The following YAF2 variants were observed in gnomAD, a reference collection of about 807,000 sequenced individuals.
The protein encoded by YAF2 is YY1 associated factor 2.
YAF2 carries 7 observed loss-of-function variants against 20.1 expected under a neutral mutation model. That is an observed-to-expected ratio of 0.35 (90% CI 0.20 to 0.65). The LOEUF is 0.65. YAF2 is among the 30% of genes least tolerant of loss of function. The pLI, the probability that YAF2 is intolerant of heterozygous loss-of-function variation, is 0.69. For synonymous variants in YAF2, 74 were observed against 76.0 expected (o/e 0.97, Z 0.14); for missense variants, 151 against 219.2 (o/e 0.69, Z 1.96).
intron 2 of YAF2, among the ~76,000 whole-genome samples, chr12:42,219,486 C>A (rs1486371338): frequency 6.6e-6 from 1 of 152,116 alleles, no homozygotes; most frequent in African/African-American, 2.4e-5. Flanking sequence ...CATGAGAGTT[C>A]ATTAAGCTCA....
chr12:42,175,196 C>T lies in YAF2; in HGVS notation c.153-13431G>A, dbSNP rs574880331. Among the ~76,000 whole-genome samples, 8 of 152,232 alleles carry T rather than the reference C, an allele frequency of 5.3e-5. No individual in the cohort carries two copies. The South Asian group carries it at 8.3e-4, about 16-fold the overall frequency. Reference sequence around the variant, plus strand: ...TACAATGGAATACTACTCAGCAACACAAAGAAATGAACCACTGACACTCAA... The same window carrying T: ...TACAATGGAATACTACTCAGCAACATAAAGAAATGAACCACTGACACTCAA... On this transcript the variant is annotated intron_variant, in intron 2 of 3. Transcript: ENST00000534854.
At chr12:42,173,567 A>G (rs767175920) in intron 2 of YAF2, among the ~76,000 whole-genome samples, 23 of 152,170 alleles carry the variant, frequency 1.5e-4, no homozygotes, top group Non-Finnish European at 2.8e-4. Context: ...CTCTTAGCCA[A>G]CTAAACATTT....
chr12:42,161,467 C>T, intron 3 of YAF2, 146 bp downstream of exon 3: 1 of 853,548 alleles, frequency 1.2e-6, no homozygotes. Flanking sequence ...ATGTATCTTT[C>T]AAACTCAGTA....
At chr12:42,164,977 C>T (rs1491000351) in intron 2 of YAF2, among the ~76,000 whole-genome samples, 1 of 151,592 alleles carries the variant, frequency 6.6e-6, no homozygotes, top group African/African-American at 2.4e-5. Context: ...ATCGCTTGAG[C>T]CCAGGAGGTG....
Position 42,228,360 on chromosome 12 carries a change from C to T in YAF2, c.152+9239G>A, listed in dbSNP as rs1385334331. Among the ~76,000 whole-genome samples, 136 of 69,744 alleles carry T rather than the reference C, an allele frequency of 1.9e-3. 3 individuals carry two copies. In the East Asian group the frequency reaches 0.031, roughly 16 times the overall value. The allele number at this position is 69,744 out of a possible 152,430, so 45.8% of individuals were successfully genotyped here. A position where few individuals can be genotyped will look rare whatever the true frequency, so the allele number is the denominator to read the frequency against. On this transcript the variant is annotated intron_variant, in intron 2 of 3. Transcript: ENST00000534854. ...CCGGGAGGTGAGGGGCGCCTCTGCC[C>T]GGCCGCCCCTACTGGGAAGTGAGGA...
At chr12:42,183,932 A>G (rs185758135) in intron 2 of YAF2, among the ~76,000 whole-genome samples, 23 of 152,354 alleles carry the variant, frequency 1.5e-4, no homozygotes, top group Non-Finnish European at 2.6e-4. Flanking sequence ...GGTGAAGCCA[A>G]TGCTCACTGA....
At chr12:42,171,630 T>C (rs560364554) in intron 2 of YAF2, among the ~76,000 whole-genome samples, 3 of 152,140 alleles carry the variant, frequency 2.0e-5, no homozygotes, top group Non-Finnish European at 4.4e-5. Context: ...GAACTGGGTA[T>C]ATAACTCCTG....
At chr12:42,183,898 G>C (rs1433396378) in intron 2 of YAF2, among the ~76,000 whole-genome samples, 1 of 152,190 alleles carries the variant, frequency 6.6e-6, no homozygotes, top group East Asian at 1.9e-4. Flanking sequence ...CTTGTTAGGG[G>C]CTAATGCAGT....
chr12:42,228,681 C>T (rs1403433117), intron 2 of YAF2, among the ~76,000 whole-genome samples: 6 of 100,674 alleles, frequency 6.0e-5, no homozygotes, highest in East Asian at 3.4e-4. Context: ...CCCCCCTGCC[C>T]GGCCAGCCGC....
chr12:42,178,093 A>G (rs2066244060), intron 2 of YAF2, among the ~76,000 whole-genome samples: 1 of 152,200 alleles, frequency 6.6e-6, no homozygotes, highest in African/African-American at 2.4e-5. Context: ...GCATAAAAAT[A>G]CTTAATGTGC....
intron 2 of YAF2, among the ~76,000 whole-genome samples, chr12:42,220,290 T>A (rs1300437192): frequency 1.3e-5 from 2 of 152,198 alleles, no homozygotes; most frequent in African/African-American, 4.8e-5. Flanking sequence ...ATCTTTAATG[T>A]ATACATAATA....
At chr12:42,216,520 T>C (rs1357707002) in intron 2 of YAF2, among the ~76,000 whole-genome samples, 2 of 152,148 alleles carry the variant, frequency 1.3e-5, no homozygotes, top group South Asian at 2.1e-4. Flanking sequence ...TTCTTCTTTG[T>C]GGGATGCTCT....
intron 2 of YAF2, among the ~76,000 whole-genome samples, chr12:42,194,870 C>T (rs1367050025): frequency 6.6e-6 from 1 of 152,120 alleles, no homozygotes; most frequent in Non-Finnish European, 1.5e-5. Context: ...AGAAGACACA[C>T]AAATGAAGCT....
chr12:42,200,523 T>G (rs747253198), intron 2 of YAF2, among the ~76,000 whole-genome samples: 56 of 152,214 alleles, frequency 3.7e-4, no homozygotes, highest in Admixed American at 5.9e-4. Context: ...ATCTTTCCAG[T>G]GCTTCTTTTT....
At chr12:42,180,957 A>C (rs2066327529) in intron 2 of YAF2, among the ~76,000 whole-genome samples, 1 of 152,156 alleles carries the variant, frequency 6.6e-6, no homozygotes, top group African/African-American at 2.4e-5. Context: ...AAAAAATAAA[A>C]ATAAAAAAAT....
intron 2 of YAF2, among the ~76,000 whole-genome samples, chr12:42,174,262 C>A (rs559369595): frequency 6.6e-6 from 1 of 152,132 alleles, no homozygotes; most frequent in Non-Finnish European, 1.5e-5. Flanking sequence ...CCTTCCACTC[C>A]AGCAAAATTA....
At chr12:42,212,450 C>T in intron 2 of YAF2, 1 of 448,088 alleles carries the variant, frequency 2.2e-6, no homozygotes, top group Non-Finnish European at 4.5e-6. Context: ...TCACCTCCTT[C>T]CTTCAAGAAA....
intron 2 of YAF2, among the ~76,000 whole-genome samples, chr12:42,164,512 T>C (rs2065867571): frequency 6.6e-6 from 1 of 152,032 alleles, no homozygotes; most frequent in Non-Finnish European, 1.5e-5. Context: ...AGCTTTGTCA[T>C]GTTGGACAGG....
At chr12:42,166,208 T>C (rs2065913896) in intron 2 of YAF2, among the ~76,000 whole-genome samples, 1 of 152,222 alleles carries the variant, frequency 6.6e-6, no homozygotes, top group Non-Finnish European at 1.5e-5. Flanking sequence ...CCATTGCGCC[T>C]GGCCTCAAAT....
Sources: gnomAD v4.1 joint callset for allele counts (sites outside exome capture counted in the v4.1 genomes callset) on GRCh38, gnomAD v4.1.1 for gene constraint, MANE v1.5 for transcripts, NCBI Gene and HGNC (gene_info 2026-07-23, HGNC 2026-07-21) for gene names.